The following ZNRF3 variants were observed in gnomAD, a reference collection of about 807,000 sequenced individuals.
The protein encoded by ZNRF3 is zinc and ring finger 3.
In ZNRF3, 23 loss-of-function variants were observed where a neutral mutation model predicts 72.5. That is an observed-to-expected ratio of 0.32 (90% CI 0.23 to 0.45). The LOEUF (loss-of-function observed/expected upper bound fraction) is 0.45, where lower values mean the gene tolerates loss of function less well. Among genes scored for constraint, ZNRF3 ranks in the 20% least tolerant of loss-of-function variants. ZNRF3 has a pLI of 1.00. For synonymous variants in ZNRF3, 610 were observed against 545.3 expected, an observed-to-expected ratio of 1.12 and a Z score of -1.65; for missense variants, 1,169 against 1,272.1, an observed-to-expected ratio of 0.92 and a Z score of 1.23.
intron 1 of ZNRF3, among the ~76,000 whole-genome samples, chr22:28,937,211 ATATATTTTTTTTTTTT>A (rs1456017669): frequency 3.1e-4 from 1 of 3,260 alleles, no homozygotes; most frequent in Non-Finnish European, 9.6e-4. Context: ...ATATATATAT[ATATATTTTTTTTTTTT>A]TTTTTTTTTT....
rs4823001 is a variant in ZNRF3 at position 28,987,208 on chromosome 22, A to G, written c.426+7A>G. ...CCTCACTGTCCTAGGCAAGGTAAGCACCAGGCCCTTGGAATCACTGTGTTT... is the reference window on the plus strand; with the variant it reads ...CCTCACTGTCCTAGGCAAGGTAAGCGCCAGGCCCTTGGAATCACTGTGTTT... On this transcript the variant is annotated splice_region_variant and intron_variant, in intron 2 of 8. Transcript: ENST00000544604. The G allele has an allele frequency of 0.012, 18,568 of 1,605,552 alleles. 449 individuals carry two copies. The highest frequency in any genetic ancestry group is 0.066 in the Admixed American group (3,815 of 57,506).
At chr22:28,908,947 C>T (rs571005239) in intron 1 of ZNRF3, among the ~76,000 whole-genome samples, 11 of 152,056 alleles carry the variant, frequency 7.2e-5, no homozygotes, top group Admixed American at 1.3e-4. Flanking sequence ...GCCAGGCTGG[C>T]GTGTAGTGGC....
intron 8 of ZNRF3, 73 bp downstream of exon 8, chr22:29,051,021 T>A (rs2037196811): frequency 6.9e-7 from 1 of 1,455,622 alleles, no homozygotes; most frequent in South Asian, 1.4e-5. Flanking sequence ...GTCTTAGGCA[T>A]TTTCTGAATG....
chr22:28,939,294 A>AG, intron 1 of ZNRF3, among the ~76,000 whole-genome samples: 1 of 151,796 alleles, frequency 6.6e-6, no homozygotes, highest in East Asian at 1.9e-4. Flanking sequence ...AAAAAAAAAA[A>AG]AAAAACAAAA....
chr22:28,999,240 A>C (rs1481081885), intron 2 of ZNRF3, among the ~76,000 whole-genome samples: 1 of 151,096 alleles, frequency 6.6e-6, no homozygotes, highest in Admixed American at 6.6e-5. Flanking sequence ...AGGCTGAGGC[A>C]GGAGAATTGC....
In ZNRF3 at chr22:29,048,589, AC is replaced by A; in HGVS notation, c.1015+99del. The A allele has an allele frequency of 7.9e-7, 1 of 1,260,536 alleles. No homozygotes were observed. Among genetic ancestry groups the A allele is most frequent in the East Asian group, 2.4e-5 (1 of 41,850 alleles). The allele number at this position is 1,260,536 out of a possible 1,614,324, so 78.1% of individuals were successfully genotyped here. A position where few individuals can be genotyped will look rare whatever the true frequency, so the allele number is the denominator to read the frequency against. ...TGGGAACACTCAGAACCACCGTGGC[AC>A]TGCCCTCTGGACTTGGAGGCCTGGC... On this transcript the variant is annotated intron_variant, in intron 7 of 8. Transcript: ENST00000544604. The surrounding 1 kb of genome is among the most constrained non-coding windows in gnomAD (Gnocchi z 4.9).
chr22:28,955,033 TTTTTTTTTTTTTG>T (rs2035231035), intron 1 of ZNRF3, among the ~76,000 whole-genome samples: 1 of 26,504 alleles, frequency 3.8e-5, no homozygotes, highest in South Asian at 7.7e-4. Context: ...ATTTTTGGTG[TTTTTTTTTTTTTG>T]TTTTTTTTTT....
At chr22:28,922,104 A>G (rs148106307) in intron 1 of ZNRF3, among the ~76,000 whole-genome samples, 177 of 152,366 alleles carry the variant, frequency 1.2e-3, no homozygotes, top group African/African-American at 4.0e-3. Flanking sequence ...TGTGCATGAA[A>G]CAAAGTTCCT....
At chr22:28,924,903 G>A (rs1180024222) in intron 1 of ZNRF3, among the ~76,000 whole-genome samples, 2 of 152,096 alleles carry the variant, frequency 1.3e-5, no homozygotes, top group African/African-American at 4.8e-5. Context: ...GGAGAGAGGG[G>A]TCTCCAAGAA....
At chr22:29,026,286 C>T (rs909949540) in intron 2 of ZNRF3, 1 of 152,104 alleles carries the variant, frequency 6.6e-6, no homozygotes, top group Non-Finnish European at 1.5e-5. Flanking sequence ...ACTGCTATGG[C>T]CAATATCCCT....
intron 2 of ZNRF3, among the ~76,000 whole-genome samples, chr22:29,006,722 G>A (rs2036256710): frequency 1.3e-5 from 2 of 152,080 alleles, no homozygotes; most frequent in Admixed American, 1.3e-4. Context: ...CACCTATTTG[G>A]TATTAACTCT....
In ZNRF3 at chr22:29,007,843, G is replaced by A. The variant is rs1453559386; in HGVS notation, c.426+20642G>A. On this transcript the variant is annotated intron_variant, in intron 2 of 8. Transcript: ENST00000544604. ...GCGATCTCGGCTCACCACAACCTCC[G>A]CCTCCCAGGTTCAAGCAATTCTCCT... Among the ~76,000 whole-genome samples the A allele has an allele frequency of 7.5e-5, 10 of 132,576 alleles. 1 individual carries two copies. Among genetic ancestry groups the A allele is most frequent in the African/African-American group, 8.7e-5 (3 of 34,646 alleles). 87.0% of individuals were successfully genotyped at this position (132,576 alleles called of 152,430 possible). A position where few individuals can be genotyped will look rare whatever the true frequency, so the allele number is the denominator to read the frequency against.
At chr22:28,903,601 A>G (rs1319502112) in intron 1 of ZNRF3, among the ~76,000 whole-genome samples, 1 of 152,114 alleles carries the variant, frequency 6.6e-6, no homozygotes, top group African/African-American at 2.4e-5. Flanking sequence ...CCCCTCCTCC[A>G]GCAAGACTGG....
At chr22:28,917,389 G>C in intron 1 of ZNRF3, 1 of 985,286 alleles carries the variant, frequency 1.0e-6, no homozygotes, top group South Asian at 4.7e-5. Flanking sequence ...AGCCATCTGT[G>C]CACAGAAGTT....
At chr22:28,984,426 T>C (rs2035817851) in intron 1 of ZNRF3, among the ~76,000 whole-genome samples, 1 of 152,226 alleles carries the variant, frequency 6.6e-6, no homozygotes. Context: ...GCCTGGCTTC[T>C]TTCTTTAGTA....
chr22:28,923,934 G>A (rs553954354), intron 1 of ZNRF3, among the ~76,000 whole-genome samples: 6 of 152,240 alleles, frequency 3.9e-5, no homozygotes, highest in Admixed American at 6.5e-5. Context: ...ATGGCTTTGC[G>A]CTGGCCGGGC....
chr22:29,002,632 C>A (rs1359573692), intron 2 of ZNRF3, among the ~76,000 whole-genome samples: 2 of 152,136 alleles, frequency 1.3e-5, no homozygotes, highest in African/African-American at 2.4e-5. Context: ...AAATAATTGC[C>A]CTAACTGATG....
intron 1 of ZNRF3, among the ~76,000 whole-genome samples, chr22:28,974,885 T>C (rs568356763): frequency 1.3e-5 from 2 of 152,198 alleles, no homozygotes; most frequent in South Asian, 4.1e-4. Context: ...AATCCTCCCA[T>C]CTTGGCCTCC....
At position 29,050,174 on chromosome 22, in the gene ZNRF3, A is replaced by G. The variant is rs759268172; in HGVS notation, c.1993A>G (p.Met665Val). Residue 665 changes from methionine (M) to valine (V), a missense_variant, in exon 8 of 9, where the codon ATG (methionine) becomes GTG (valine). Coordinates refer to ENST00000544604, the MANE Select transcript of ZNRF3 (RefSeq NM_001206998.2). ...GDQVSTCSLEMNYSSNSSLEH... is the reference protein window; with the variant it reads ...GDQVSTCSLEVNYSSNSSLEH... ...TCAGGTGTCCACCTGCAGCCTGGAG[A>G]TGAACTACAGCAGCAACTCCTCCCT... is the stretch of plus-strand genomic sequence containing the variant. 3.1e-6 allele frequency: 5 copies of G among 1,602,742 alleles called. No individual in the cohort carries two copies. In the East Asian group the frequency reaches 8.9e-5, roughly 29 times the overall value.
Sources: allele counts gnomAD v4.1 joint callset (sites outside exome capture counted in the v4.1 genomes callset), GRCh38; gene constraint gnomAD v4.1.1; non-coding constraint Gnocchi (gnomAD v3.1); transcripts MANE v1.5; gene names NCBI Gene and HGNC (gene_info 2026-07-23, HGNC 2026-07-21).